Variants in NAALADL2 observed in about 807,000 individuals in gnomAD.
The protein encoded by NAALADL2 is N-acetylated alpha-linked acidic dipeptidase like 2.
NAALADL2 carries 76 observed loss-of-function variants against 87.2 expected under a neutral mutation model. The observed-to-expected ratio is 0.87, with a 90% CI of 0.72 to 1.05. The LOEUF (loss-of-function observed/expected upper bound fraction) is 1.05. Ranked by LOEUF, NAALADL2 falls within the 50% of genes least tolerant of loss-of-function variation. NAALADL2 has a pLI of 0.00. For missense variants in NAALADL2, 1,089 were observed against 945.8 expected (o/e 1.15, Z -1.99); for synonymous variants, 354 against 331.0 (o/e 1.07, Z -0.75).
intron 1 of NAALADL2, among the ~76,000 whole-genome samples, chr3:174,996,607 C>T (rs1437477163): frequency 6.6e-6 from 1 of 152,090 alleles, no homozygotes; most frequent in Non-Finnish European, 1.5e-5. Flanking sequence ...TACCAAATAC[C>T]CACCTTATTG....
At chr3:174,702,596 T>A (rs191413939) in intron 2 of NAALADL2, among the ~76,000 whole-genome samples, 275 of 152,326 alleles carry the variant, frequency 1.8e-3, no homozygotes, top group Non-Finnish European at 3.2e-3. Flanking sequence ...CAAACTTAGA[T>A]GGTATTGCCT....
At chr3:175,010,406 C>T (rs2108801152) in intron 1 of NAALADL2, among the ~76,000 whole-genome samples, 1 of 152,218 alleles carries the variant, frequency 6.6e-6, no homozygotes, top group Admixed American at 6.5e-5. Flanking sequence ...AGCACTTGAC[C>T]TTCATTTGGC....
chr3:175,005,813 A>G (rs1748941630), intron 1 of NAALADL2, among the ~76,000 whole-genome samples: 1 of 152,176 alleles, frequency 6.6e-6, no homozygotes, highest in African/African-American at 2.4e-5. Context: ...GAGATCAAAA[A>G]GTTGCTTTTT....
At chr3:174,631,120 A>G (rs1410916494) in intron 2 of NAALADL2, among the ~76,000 whole-genome samples, 1 of 152,164 alleles carries the variant, frequency 6.6e-6, no homozygotes, top group Non-Finnish European at 1.5e-5. Flanking sequence ...TCTCATGATT[A>G]CATGTTGTTT....
intron 3 of NAALADL2, among the ~76,000 whole-genome samples, chr3:174,746,326 C>G (rs1432543478): frequency 6.6e-6 from 1 of 152,136 alleles, no homozygotes; most frequent in Non-Finnish European, 1.5e-5. Flanking sequence ...AACTCCCATT[C>G]ACAACTGCTA....
intron 1 of NAALADL2, among the ~76,000 whole-genome samples, chr3:174,925,254 G>A (rs1336806753): frequency 6.6e-6 from 1 of 152,172 alleles, no homozygotes; most frequent in Admixed American, 6.5e-5. Flanking sequence ...TGTATAAGGT[G>A]TAAGGAAGGG....
chr3:175,163,001 T>G (rs1359181238), intron 2 of NAALADL2, among the ~76,000 whole-genome samples: 1 of 152,134 alleles, frequency 6.6e-6, no homozygotes, highest in African/African-American at 2.4e-5. Flanking sequence ...TTTCTTTCTT[T>G]TCTCAGGGCT....
chr3:175,296,075 C>A (rs1193633540), intron 4 of NAALADL2, among the ~76,000 whole-genome samples: 1 of 34,410 alleles, frequency 2.9e-5, no homozygotes, highest in African/African-American at 5.7e-5. Flanking sequence ...CCTTAACTAT[C>A]TGCCTGATTA....
intron 2 of NAALADL2, among the ~76,000 whole-genome samples, chr3:174,719,206 T>C (rs1731481210): frequency 6.6e-6 from 1 of 152,208 alleles, no homozygotes; most frequent in Non-Finnish European, 1.5e-5. Flanking sequence ...AAATTAACAT[T>C]TGTACCACCT....
intron 11 of NAALADL2, among the ~76,000 whole-genome samples, chr3:175,655,042 T>C (rs1050351530): frequency 2.0e-5 from 3 of 151,948 alleles, no homozygotes; most frequent in Admixed American, 6.6e-5. Context: ...CAATAACAAG[T>C]GGTAACTACA....
chr3:174,730,282 ATC>A (rs1257618565), intron 2 of NAALADL2, among the ~76,000 whole-genome samples: 1 of 152,026 alleles, frequency 6.6e-6, no homozygotes, highest in Non-Finnish European at 1.5e-5. Context: ...GTTCTGTGTT[ATC>A]TGTGTGTCCG....
intron 2 of NAALADL2, among the ~76,000 whole-genome samples, chr3:174,582,832 C>T (rs1251891458): frequency 6.6e-6 from 1 of 152,194 alleles, no homozygotes; most frequent in Non-Finnish European, 1.5e-5. Context: ...GATCCATCTG[C>T]CTTGGCCTCC....
At chr3:175,013,294 T>TAC (rs1750373900) in intron 1 of NAALADL2, among the ~76,000 whole-genome samples, 1 of 84,134 alleles carries the variant, frequency 1.2e-5, no homozygotes, top group African/African-American at 7.1e-5. Context: ...TATATATATA[T>TAC]ATATATATTT....
At chr3:174,531,418 T>C (rs1411533702) in intron 1 of NAALADL2, among the ~76,000 whole-genome samples, 2 of 152,154 alleles carry the variant, frequency 1.3e-5, no homozygotes, top group Non-Finnish European at 2.9e-5. Context: ...ATCATCATTA[T>C]CATCAGCAAA....
intron 2 of NAALADL2, among the ~76,000 whole-genome samples, chr3:175,173,537 T>C (rs910812026): frequency 5.8e-4 from 88 of 152,248 alleles, no homozygotes; most frequent in African/African-American, 2.0e-3. Flanking sequence ...AATAGTTTAT[T>C]TTAGCGGAGC....
chr3:174,747,634 AAAAAAAAAAAAAGAAAGTCAAG>A (rs1384956374), intron 3 of NAALADL2, among the ~76,000 whole-genome samples: 8 of 150,812 alleles, frequency 5.3e-5, no homozygotes, highest in Admixed American at 4.6e-4. Flanking sequence ...AAAAAAAAAA[AAAAAAAAAAAAAGAAAGTCAAG>A]AAACAACCTG....
chr3:175,055,852 A>G (rs1050602680), intron 1 of NAALADL2, among the ~76,000 whole-genome samples: 1 of 152,202 alleles, frequency 6.6e-6, no homozygotes, highest in African/African-American at 2.4e-5. Context: ...GCCTGTGCCA[A>G]CAAAGTAGCT....
chr3:175,413,090 C>T (rs952098146), intron 5 of NAALADL2, among the ~76,000 whole-genome samples: 41 of 145,312 alleles, frequency 2.8e-4, no homozygotes, highest in African/African-American at 1.0e-3. Flanking sequence ...GGGGTTTCAC[C>T]GTGTTAGGCA....
At chr3:175,338,815 G>T (rs1402123282) in intron 5 of NAALADL2, among the ~76,000 whole-genome samples, 1 of 152,076 alleles carries the variant, frequency 6.6e-6, no homozygotes, top group Admixed American at 6.6e-5. Flanking sequence ...TTTGGCTGGG[G>T]CTGAGCCTCT....
Sources: gnomAD v4.1 joint callset for allele counts (sites outside exome capture counted in the v4.1 genomes callset) on GRCh38, gnomAD v4.1.1 for gene constraint, MANE v1.5 for transcripts, NCBI Gene and HGNC (gene_info 2026-07-23, HGNC 2026-07-21) for gene names.